Variants in ATP11A observed in about 807,000 individuals in gnomAD.
ATP11A encodes ATPase phospholipid transporting 11A, also known as phospholipid-transporting ATPase IH.
Under a neutral mutation model 154.4 loss-of-function variants are expected in ATP11A, and 81 were observed. The observed-to-expected ratio is 0.52, with a 90% CI of 0.44 to 0.63. The LOEUF (loss-of-function observed/expected upper bound fraction) is 0.63. Among genes scored for constraint, ATP11A ranks in the 30% least tolerant of loss-of-function variants. ATP11A has a pLI of 0.00. For synonymous variants in ATP11A, 623 were observed against 585.9 expected, an observed-to-expected ratio of 1.06 and a Z score of -0.91; for missense variants, 1,316 against 1,474.3, an observed-to-expected ratio of 0.89 and a Z score of 1.76.
At position 112,785,138 on chromosome 13, in the gene ATP11A, G is replaced by C; in HGVS notation, c.43G>C (p.Ala15Pro). 1 of 1,536,076 alleles carries C rather than the reference G, an allele frequency of 6.5e-7. No homozygotes were observed. Among genetic ancestry groups the C allele is most frequent in the Non-Finnish European group, 8.7e-7 (1 of 1,143,230 alleles). ...AACACCGCTCTCCTTTCCGCAGTGT[G>C]CAGGAGAAGAGAATTGGGTGGACAG... is the stretch of plus-strand genomic sequence containing the variant. The part of the protein sequence containing the change: ...LVRTLVHRYC[A>P]GEENWVDSRT... The change falls in exon 2 of 30, where the codon GCA becomes CCA. Residue 15 changes from alanine to proline, a missense_variant. Coordinates refer to ENST00000375645, the MANE Select transcript of ATP11A (RefSeq NM_015205.3). The surrounding 1 kb of genome is among the most constrained non-coding windows in gnomAD (Gnocchi z 4.8).
At chr13:112,818,595 C>T (rs796119643) in intron 6 of ATP11A, among the ~76,000 whole-genome samples, 6 of 152,330 alleles carry the variant, frequency 3.9e-5, no homozygotes, top group African/African-American at 1.2e-4. Flanking sequence ...CCCTCATGCC[C>T]ACCTCAGGTG....
At chr13:112,780,294 C>T (rs1399084536) in intron 1 of ATP11A, among the ~76,000 whole-genome samples, 3 of 152,048 alleles carry the variant, frequency 2.0e-5, no homozygotes, top group East Asian at 1.9e-4. Context: ...CAGTCAGAGG[C>T]GGTCGGCAGC....
intron 1 of ATP11A, among the ~76,000 whole-genome samples, chr13:112,709,502 G>C (rs1887505084): frequency 6.6e-6 from 1 of 152,070 alleles, no homozygotes; most frequent in African/African-American, 2.4e-5. Flanking sequence ...TTTACAACCT[G>C]CCTTCTCTGA....
At chr13:112,861,428 T>C (rs2080100048) in intron 24 of ATP11A, among the ~76,000 whole-genome samples, 1 of 152,244 alleles carries the variant, frequency 6.6e-6, no homozygotes, top group African/African-American at 2.4e-5. Flanking sequence ...TCACATCCAG[T>C]GTACTGATGT....
chr13:112,779,141 T>G (rs1200822943), intron 1 of ATP11A, among the ~76,000 whole-genome samples: 1 of 46,258 alleles, frequency 2.2e-5, no homozygotes, highest in African/African-American at 1.3e-4. Context: ...CTGGAGTGAG[T>G]AGCCGCTGGA....
At chr13:112,814,033 C>T (rs1352495312) in intron 5 of ATP11A, among the ~76,000 whole-genome samples, 4 of 151,674 alleles carry the variant, frequency 2.6e-5, no homozygotes, top group African/African-American at 9.7e-5. Flanking sequence ...TGTTCAAGTC[C>T]AATTTCTTGA....
At chr13:112,714,322 G>A (rs541596342) in intron 1 of ATP11A, among the ~76,000 whole-genome samples, 89 of 152,104 alleles carry the variant, frequency 5.9e-4, no homozygotes, top group Middle Eastern at 3.4e-3. Flanking sequence ...TCCTGGTCTG[G>A]GGTGTTCCGC....
intron 1 of ATP11A, among the ~76,000 whole-genome samples, chr13:112,721,691 C>G (rs1015583665): frequency 3.3e-5 from 5 of 152,238 alleles, no homozygotes; most frequent in Non-Finnish European, 7.3e-5. Flanking sequence ...GCTCCCTCTC[C>G]TCCACGGCTG....
intron 1 of ATP11A, among the ~76,000 whole-genome samples, chr13:112,725,184 T>C (rs146799950): frequency 6.6e-6 from 1 of 152,276 alleles, no homozygotes; most frequent in East Asian, 1.9e-4. Context: ...GGGAGCTGAC[T>C]CAGGCTCGGG....
At chr13:112,782,626 A>G (rs1205260317) in intron 1 of ATP11A, among the ~76,000 whole-genome samples, 1 of 152,218 alleles carries the variant, frequency 6.6e-6, no homozygotes, top group Non-Finnish European at 1.5e-5. Flanking sequence ...TGTTGGCTTC[A>G]CCACAAAATA....
At chr13:112,718,847 C>A (rs1475023018) in intron 1 of ATP11A, among the ~76,000 whole-genome samples, 1 of 151,196 alleles carries the variant, frequency 6.6e-6, no homozygotes, top group Admixed American at 6.6e-5. Context: ...ATTTTTTTTT[C>A]TTTTGTATTT....
In ATP11A at chr13:112,806,187, G is replaced by A. The variant is rs1379688764; in HGVS notation, c.253-26G>A. The stretch of plus-strand genomic sequence containing the variant: ...GTCACTCATTTGTGTTTTTGAAGAT[G>A]ATTTTACAATTCTCTCTTTCTGCAG... On this transcript the variant is annotated intron_variant, in intron 3 of 29. Coordinates refer to ENST00000375645, the MANE Select transcript of ATP11A (RefSeq NM_015205.3). The A allele has an allele frequency of 3.8e-6, 6 of 1,587,124 alleles. No individual in the cohort carries two copies. The East Asian group carries it at 1.3e-4, about 36-fold the overall frequency.
intron 4 of ATP11A, among the ~76,000 whole-genome samples, chr13:112,808,742 A>T (rs545805823): frequency 1.3e-5 from 2 of 152,120 alleles, no homozygotes; most frequent in Non-Finnish European, 2.9e-5. Flanking sequence ...ACTGACGGGC[A>T]TCTCACTGTA....
In ATP11A at chr13:112,819,347, A is replaced by G. The variant is rs1177666765; in HGVS notation, c.614A>G (p.Glu205Gly). ...GACACCAAAGGCTTCCACACAGAGGAGGATATCGGCGGACTTCACGCCACC... is the reference window on the plus strand; with the variant it reads ...GACACCAAAGGCTTCCACACAGAGGGGGATATCGGCGGACTTCACGCCACC... ...VQDTKGFHTEEDIGGLHATIE... is the reference protein window; with the variant it reads ...VQDTKGFHTEGDIGGLHATIE... The change falls in exon 7 of 30, where the codon GAG (glutamate) becomes GGG (glycine). Residue 205 changes from glutamate to glycine, a missense_variant. This residue lies in a region of ATP11A where 876 missense variants were observed against 1,006.8 expected (regional missense o/e 0.87). Coordinates refer to ENST00000375645, the MANE Select transcript of ATP11A (RefSeq NM_015205.3). 1 of 1,614,086 alleles carries G rather than the reference A, an allele frequency of 6.2e-7. No homozygotes were observed. The highest frequency in any genetic ancestry group is 8.5e-7 in the Non-Finnish European group (1 of 1,180,044).
In ATP11A at chr13:112,831,503, G is replaced by A. The variant is rs778133081; in HGVS notation, c.1350G>A (p.Ser450=). ...GCAACGGGCAGGTCCTCCCAGAGTC[G>A]TCAGGAATCGACATGATTGACTCGT... ...VICNGQVLPE[S]SGIDMIDSSP... The change falls in exon 13 of 30, where the codon TCG becomes TCA. Residue 450 remains serine (S), a synonymous_variant. Coordinates refer to ENST00000375645, the MANE Select transcript of ATP11A (RefSeq NM_015205.3). The A allele has an allele frequency of 1.5e-5, 24 of 1,614,056 alleles. No homozygotes were observed. The highest frequency in any genetic ancestry group is 4.0e-5 in the African/African-American group (3 of 74,916).
chr13:112,799,755 A>G (rs547026805), intron 2 of ATP11A, among the ~76,000 whole-genome samples: 10 of 152,352 alleles, frequency 6.6e-5, no homozygotes, highest in African/African-American at 1.2e-4. Flanking sequence ...TCAAGTTCAC[A>G]TGGAACATTT....
At position 112,753,198 on chromosome 13, in the gene ATP11A, A is replaced by G. The variant is rs2076736866; in HGVS notation, c.40-31937A>G. The stretch of plus-strand genomic sequence containing the variant: ...GTGGATGGCGTGCATGTGTCTGCAC[A>G]GCTGCGTGATGTTCCCCTGTGGACT... On this transcript the variant is annotated intron_variant, in intron 1 of 29. Coordinates refer to ENST00000375645, the MANE Select transcript of ATP11A (RefSeq NM_015205.3). This position sits in a 1 kb window ranked among gnomAD's most constrained non-coding sequence, Gnocchi z 4.1. Among the ~76,000 whole-genome samples, 1 of 152,190 alleles carries G rather than the reference A, an allele frequency of 6.6e-6. No individual in the cohort carries two copies. Among genetic ancestry groups the G allele is most frequent in the Admixed American group, 6.5e-5 (1 of 15,276 alleles).
chr13:112,878,095 C>T, intron 28 of ATP11A, 122 bp from the exon 29 acceptor site: 2 of 935,898 alleles, frequency 2.1e-6, no homozygotes, highest in Non-Finnish European at 3.4e-6. Flanking sequence ...CTCTGACTAA[C>T]TCAGCTCTGT....
At chr13:112,845,173 A>G (rs1190786600) in intron 17 of ATP11A, among the ~76,000 whole-genome samples, 3 of 150,602 alleles carry the variant, frequency 2.0e-5, no homozygotes, top group Non-Finnish European at 2.9e-5. Context: ...GCCAGGCGCT[A>G]GCAGTACTAA....
Sources: gnomAD v4.1 joint callset for allele counts (sites outside exome capture counted in the v4.1 genomes callset) on GRCh38, gnomAD v4.1.1 for gene constraint, gnomAD v4.1.1 regional missense constraint, Gnocchi (gnomAD v3.1) non-coding constraint, MANE v1.5 for transcripts, NCBI Gene and HGNC (gene_info 2026-07-23, HGNC 2026-07-21) for gene names.